The following SWT1 variants were observed in gnomAD, a reference collection of about 807,000 sequenced individuals.
SWT1 encodes the protein transcriptional protein SWT1.
A neutral mutation model predicts 107.3 loss-of-function variants in SWT1; 33 were observed. That is an observed-to-expected ratio of 0.31 (90% CI 0.23 to 0.41). SWT1 has a LOEUF of 0.41. Ranked by LOEUF, SWT1 falls within the 10% of genes least tolerant of loss-of-function variation. The pLI is 1.00. For missense variants in SWT1, 898 were observed against 1,028.9 expected (o/e 0.87, Z 1.74); for synonymous variants, 345 against 348.3 (o/e 0.99, Z 0.11).
At chr1:185,221,249 C>T (rs1659637149) in intron 14 of SWT1, among the ~76,000 whole-genome samples, 1 of 152,096 alleles carries the variant, frequency 6.6e-6, no homozygotes, top group Non-Finnish European at 1.5e-5. Flanking sequence ...ATTCTGCTGC[C>T]TTTTTATAGC....
chr1:185,290,394 T>A (rs1665181924), intron 18 of SWT1, among the ~76,000 whole-genome samples: 1 of 152,146 alleles, frequency 6.6e-6, no homozygotes, highest in Non-Finnish European at 1.5e-5. Flanking sequence ...CTGGGCAAGA[T>A]GCTGAGACTC....
At chr1:185,267,796 T>G (rs1348844408) in intron 16 of SWT1, among the ~76,000 whole-genome samples, 1 of 152,164 alleles carries the variant, frequency 6.6e-6, no homozygotes, top group Non-Finnish European at 1.5e-5. Flanking sequence ...TTTTAAAGAG[T>G]TGCCATTGAA....
At chr1:185,166,945 T>A (rs1297417825) in intron 3 of SWT1, among the ~76,000 whole-genome samples, 1 of 152,128 alleles carries the variant, frequency 6.6e-6, no homozygotes, top group African/African-American at 2.4e-5. Flanking sequence ...CTTACTCTGT[T>A]GCCCCAGGCT....
chr1:185,193,837 A>G (rs954005014), intron 10 of SWT1, among the ~76,000 whole-genome samples: 6 of 152,076 alleles, frequency 3.9e-5, no homozygotes, highest in East Asian at 3.9e-4. Flanking sequence ...GGATTTGTCT[A>G]TTTCTCCTTT....
At position 185,206,628 on chromosome 1, in the gene SWT1, C is replaced by T. The variant is rs559469740; in HGVS notation, c.1837C>T (p.Leu613=). 1.9e-6 allele frequency: 3 copies of T among 1,539,464 alleles called. No homozygotes were observed. In the South Asian group the frequency reaches 3.9e-5, roughly 20 times the overall value. Residue 613 remains leucine (L), a synonymous_variant, in exon 13 of 19, where the codon CTG becomes TTG. Transcript: ENST00000367500. ...TTTTTTTCTACATACTCTTTAGATC[C>T]TGTACCTGAAACCACCATGGACTCT... ...IAFGNLWMEI[L]YLKPPWTLLH...
chr1:185,172,062 A>G (rs1005082415), intron 4 of SWT1, among the ~76,000 whole-genome samples: 2 of 152,206 alleles, frequency 1.3e-5, no homozygotes, highest in African/African-American at 4.8e-5. Flanking sequence ...GCTGTAACCT[A>G]ATTAAGGGTA....
chr1:185,169,749 G>T (rs1654889764), intron 4 of SWT1, among the ~76,000 whole-genome samples: 1 of 151,374 alleles, frequency 6.6e-6, no homozygotes, highest in Non-Finnish European at 1.5e-5. Context: ...TTTTTTTTCA[G>T]AACTTAAATG....
chr1:185,236,997 A>C (rs1660930788), intron 16 of SWT1, among the ~76,000 whole-genome samples: 1 of 152,252 alleles, frequency 6.6e-6, no homozygotes, highest in Admixed American at 6.5e-5. Context: ...GCAAATCAAA[A>C]GCACAATGAG....
intron 17 of SWT1, among the ~76,000 whole-genome samples, chr1:185,274,104 A>G (rs1664073609): frequency 6.6e-6 from 1 of 152,210 alleles, no homozygotes; most frequent in Admixed American, 6.5e-5. Flanking sequence ...TGCCAAGAGT[A>G]TTAGAAGAAA....
chr1:185,259,659 G>A (rs1215598461), intron 16 of SWT1, among the ~76,000 whole-genome samples: 1 of 151,600 alleles, frequency 6.6e-6, no homozygotes, highest in Non-Finnish European at 1.5e-5. Flanking sequence ...TGACTCCTGG[G>A]GACATTGACC....
chr1:185,218,588 C>T (rs1164970612), intron 14 of SWT1, among the ~76,000 whole-genome samples: 1 of 152,110 alleles, frequency 6.6e-6, no homozygotes, highest in Non-Finnish European at 1.5e-5. Flanking sequence ...TAGGATTACA[C>T]GCATGAACCG....
At chr1:185,269,773 C>T (rs1428005122) in intron 16 of SWT1, among the ~76,000 whole-genome samples, 1 of 152,140 alleles carries the variant, frequency 6.6e-6, no homozygotes, top group African/African-American at 2.4e-5. Flanking sequence ...CAGATGATTT[C>T]CAACTTATAA....
intron 16 of SWT1, among the ~76,000 whole-genome samples, chr1:185,239,383 A>T (rs1329528853): frequency 1.3e-5 from 2 of 152,100 alleles, no homozygotes; most frequent in Admixed American, 1.3e-4. Context: ...TAAAATGTGT[A>T]TTTCAGTTTT....
chr1:185,174,826 T>A lies in SWT1; in HGVS notation c.679T>A (p.Ser227Thr). ...SNKIIKEPLG[S>T]RRQKISFKIP... is the part of the protein sequence containing the mutation. ...CAAGATAATTAAGGAACCCTTGGGA[T>A]CTAGAAGACAGAAGATCAGTTTCAA... Residue 227 changes from serine (S) to threonine (T), a missense_variant, in exon 5 of 19, where the codon TCT becomes ACT. Coordinates refer to ENST00000367500, the MANE Select transcript of SWT1 (RefSeq NM_017673.7). 1.2e-6 allele frequency: 2 copies of A among 1,613,970 alleles called. No homozygotes were observed. Among genetic ancestry groups the A allele is most frequent in the East Asian group, 2.2e-5 (1 of 44,860 alleles).
At chr1:185,229,775 A>T (rs988522589) in intron 15 of SWT1, among the ~76,000 whole-genome samples, 2 of 152,092 alleles carry the variant, frequency 1.3e-5, no homozygotes, top group Non-Finnish European at 2.9e-5. Context: ...TTTAGGCTTT[A>T]AATTAAGAAA....
intron 8 of SWT1, among the ~76,000 whole-genome samples, 173 bp downstream of exon 8, chr1:185,184,517 G>C (rs1194584430): frequency 6.6e-6 from 1 of 152,058 alleles, no homozygotes; most frequent in Non-Finnish European, 1.5e-5. Context: ...CTAGCAATCT[G>C]AACTCACTCT....
chr1:185,162,582 T>C (rs1459072963), intron 2 of SWT1, among the ~76,000 whole-genome samples: 3 of 152,160 alleles, frequency 2.0e-5, no homozygotes, highest in Non-Finnish European at 4.4e-5. Context: ...TTGAGTTGCT[T>C]AGGCTGAAAT....
rs1331129364 is a variant in SWT1, at chr1:185,184,819, A to G, written c.1317A>G (p.Leu439=). ...ATCGTATGAAGGAAGGAAAACTACT[A>G]AAACGTGCCCAGCACAAAGCTATAC... ...ELDRMKEGKL[L]KRAQHKAIPA... is the part of the protein sequence containing the mutation. The change falls in exon 9 of 19, where the codon CTA becomes CTG. Residue 439 remains leucine (L), a synonymous_variant. Transcript: ENST00000367500. 10 of 1,604,930 alleles carry G rather than the reference A, an allele frequency of 6.2e-6. No homozygotes were observed. Among genetic ancestry groups the G allele is most frequent in the Non-Finnish European group, 7.6e-6 (9 of 1,176,536 alleles).
chr1:185,230,306 T>G (rs1365393331), intron 15 of SWT1, among the ~76,000 whole-genome samples: 2 of 152,220 alleles, frequency 1.3e-5, no homozygotes, highest in African/African-American at 4.8e-5. Flanking sequence ...AGAAATGTAT[T>G]TGCTCACAGA....
Sources: allele counts gnomAD v4.1 joint callset (sites outside exome capture counted in the v4.1 genomes callset), GRCh38; gene constraint gnomAD v4.1.1; transcripts MANE v1.5; gene names NCBI Gene and HGNC (gene_info 2026-07-23, HGNC 2026-07-21).